The following SINHCAF variants were observed in gnomAD, a reference collection of about 807,000 sequenced individuals.
The protein encoded by SINHCAF is SIN3-HDAC complex-associated factor.
In SINHCAF, 3 loss-of-function variants were observed where a neutral mutation model predicts 25.8. The observed-to-expected ratio is 0.12, with a 90% CI of 0.05 to 0.30. The LOEUF (loss-of-function observed/expected upper bound fraction) is 0.30. Among genes scored for constraint, SINHCAF ranks in the 10% least tolerant of loss-of-function variants. The probability of loss-of-function intolerance (pLI) is 1.00; values close to 1 mark genes in which losing one functional copy is unlikely to be tolerated. For synonymous variants in SINHCAF, 70 were observed against 85.5 expected, an observed-to-expected ratio of 0.82 and a Z score of 1.00; for missense variants, 121 against 262.3, an observed-to-expected ratio of 0.46 and a Z score of 3.72.
At chr12:31,307,386 C>G (rs1382752317) in intron 1 of SINHCAF, among the ~76,000 whole-genome samples, 1 of 151,998 alleles carries the variant, frequency 6.6e-6, no homozygotes, top group African/African-American at 2.4e-5. Flanking sequence ...TAAGCCCTGT[C>G]TCTACAAAAA....
chr12:31,290,907 C>T (rs1352358046), intron 4 of SINHCAF, among the ~76,000 whole-genome samples: 1 of 152,026 alleles, frequency 6.6e-6, no homozygotes, highest in Non-Finnish European at 1.5e-5. Context: ...TTAGTAGACA[C>T]GGGGTTTCTC....
chr12:31,324,183 C>T lies in SINHCAF; in HGVS notation c.-21+1841G>A. ...ACAACGGGCCCCGCGCCAGCCCGGC[C>T]CGGCGCCTCCCGCAGGCCGCGCCTC... is the stretch of plus-strand genomic sequence containing the variant. On this transcript the variant is annotated intron_variant, in intron 1 of 5. Coordinates refer to ENST00000337682, the MANE Select transcript of SINHCAF (RefSeq NM_001135812.2). The surrounding 1 kb of genome is among the most constrained non-coding windows in gnomAD (Gnocchi z 5.5). 1 of 221,206 alleles carries T rather than the reference C, an allele frequency of 4.5e-6. No homozygotes were observed. The highest frequency in any genetic ancestry group is 8.7e-6 in the Non-Finnish European group (1 of 114,610). The allele number at this position is 221,206 out of a possible 1,614,324, so 13.7% of individuals were successfully genotyped here.
intron 1 of SINHCAF, among the ~76,000 whole-genome samples, chr12:31,314,300 G>A (rs1458607368): frequency 2.0e-5 from 3 of 151,528 alleles, no homozygotes; most frequent in African/African-American, 2.4e-5. Context: ...CGAGGCGGGC[G>A]GATCACGAGG....
chr12:31,283,146 G>A (rs1297869029), intron 5 of SINHCAF, among the ~76,000 whole-genome samples: 1 of 151,820 alleles, frequency 6.6e-6, no homozygotes, highest in Non-Finnish European at 1.5e-5. Context: ...TGCCCCTGAT[G>A]TTGTTAACTA....
At chr12:31,318,933 C>T (rs1332974074) in intron 1 of SINHCAF, among the ~76,000 whole-genome samples, 1 of 152,142 alleles carries the variant, frequency 6.6e-6, no homozygotes, top group African/African-American at 2.4e-5. Flanking sequence ...ATAAGAGTTG[C>T]ACATTACAGA....
intron 1 of SINHCAF, among the ~76,000 whole-genome samples, chr12:31,299,019 A>G (rs1938664771): frequency 6.7e-6 from 1 of 149,128 alleles, no homozygotes; most frequent in Non-Finnish European, 1.5e-5. Flanking sequence ...GTAGAGTGAA[A>G]TAAATTGCAG....
intron 1 of SINHCAF, among the ~76,000 whole-genome samples, chr12:31,298,882 C>CA (rs1447856094): frequency 3.9e-5 from 6 of 151,900 alleles, no homozygotes; most frequent in Admixed American, 2.0e-4. Context: ...ATCATTAAGA[C>CA]AAAAAAAGAA....
intron 1 of SINHCAF, chr12:31,302,857 G>T: frequency 1.2e-6 from 1 of 840,096 alleles, no homozygotes; most frequent in South Asian, 5.4e-5. Flanking sequence ...TTTACAACCA[G>T]TACCTGTTAG....
At chr12:31,285,418 TACACACACACACAC>T (rs71444392) in intron 5 of SINHCAF, among the ~76,000 whole-genome samples, 6 of 141,356 alleles carry the variant, frequency 4.2e-5, no homozygotes, top group African/African-American at 1.6e-4. Context: ...TATATATACA[TACACACACACACAC>T]ACACACACAC....
intron 5 of SINHCAF, among the ~76,000 whole-genome samples, chr12:31,287,021 A>G (rs984611853): frequency 6.6e-6 from 1 of 152,100 alleles, no homozygotes; most frequent in African/African-American, 2.4e-5. Context: ...GGCTCAAACA[A>G]TCCCCTCACC....
intron 4 of SINHCAF, among the ~76,000 whole-genome samples, chr12:31,291,696 G>T (rs1021107967): frequency 1.1e-4 from 16 of 152,140 alleles, no homozygotes; most frequent in African/African-American, 2.2e-4. Flanking sequence ...CCCAGTAGGG[G>T]GAGGTTGCAG....
At position 31,282,466 on chromosome 12, in the gene SINHCAF, T is replaced by A. The variant is rs1937842175; in HGVS notation, c.*246A>T. 1 of 316,784 alleles carries A rather than the reference T, an allele frequency of 3.2e-6. No individual in the cohort carries two copies. 19.6% of individuals were successfully genotyped at this position (316,784 alleles called of 1,614,324 possible). A position where few individuals can be genotyped will look rare whatever the true frequency, so the allele number is the denominator to read the frequency against. Reference sequence around the variant, plus strand: ...GGTGAAACCCCGTCTCTACTAAAACTAAAAAATTAGCCGGGTCTGGTGGCG... The same window carrying A: ...GGTGAAACCCCGTCTCTACTAAAACAAAAAAATTAGCCGGGTCTGGTGGCG... On this transcript the variant is annotated 3_prime_UTR_variant, in exon 6 of 6. Transcript: ENST00000337682.
At chr12:31,310,184 C>A in intron 1 of SINHCAF, among the ~76,000 whole-genome samples, 1 of 152,120 alleles carries the variant, frequency 6.6e-6, no homozygotes, top group Non-Finnish European at 1.5e-5. Context: ...GGAAGCCAAA[C>A]CCAATGAACC....
At chr12:31,308,075 G>A (rs528370165) in intron 1 of SINHCAF, among the ~76,000 whole-genome samples, 16 of 152,292 alleles carry the variant, frequency 1.1e-4, no homozygotes, top group Admixed American at 4.6e-4. Context: ...ATGTAACTGG[G>A]ACTACAGGCA....
intron 5 of SINHCAF, among the ~76,000 whole-genome samples, chr12:31,284,397 T>C (rs1937946327): frequency 1.3e-5 from 2 of 152,236 alleles, no homozygotes; most frequent in African/African-American, 4.8e-5. Flanking sequence ...TTGTAGGAGT[T>C]GTCTGTATAT....
rs923063549 is a variant in SINHCAF, at chr12:31,281,243, T to C, written c.*1469A>G. 2.0e-5 allele frequency: 3 copies of C among 152,204 alleles called. No individual in the cohort carries two copies. The highest frequency in any genetic ancestry group is 7.2e-5 in the African/African-American group (3 of 41,458). The allele number at this position is 152,204 out of a possible 1,614,324, so 9.4% of individuals were successfully genotyped here. A position where few individuals can be genotyped will look rare whatever the true frequency, so the allele number is the denominator to read the frequency against. ...AAGAGTACTCTGGTTTGGGTTCAAGTGAGAGGCTTTTCATGAAAATCTTAG... is the reference window on the plus strand; with the variant it reads ...AAGAGTACTCTGGTTTGGGTTCAAGCGAGAGGCTTTTCATGAAAATCTTAG... On this transcript the variant is annotated 3_prime_UTR_variant, in exon 6 of 6. Coordinates refer to ENST00000337682, the MANE Select transcript of SINHCAF (RefSeq NM_001135812.2).
intron 1 of SINHCAF, among the ~76,000 whole-genome samples, chr12:31,322,169 C>T (rs1011760709): frequency 3.9e-5 from 6 of 152,202 alleles, no homozygotes; most frequent in African/African-American, 1.4e-4. Flanking sequence ...GAGACCTTGT[C>T]TGTGGGTCTT....
chr12:31,285,311 C>T (rs1292960830), intron 5 of SINHCAF, among the ~76,000 whole-genome samples: 1 of 151,720 alleles, frequency 6.6e-6, no homozygotes, highest in Non-Finnish European at 1.5e-5. Flanking sequence ...TCGCTTGAAC[C>T]CAGGAGGCGG....
At chr12:31,299,687 A>G (rs1023686176) in intron 1 of SINHCAF, among the ~76,000 whole-genome samples, 1 of 152,332 alleles carries the variant, frequency 6.6e-6, no homozygotes, top group African/African-American at 2.4e-5. Flanking sequence ...ATCTTTTTAA[A>G]GTTGTTTTAG....
Sources: gnomAD v4.1 joint callset for allele counts (sites outside exome capture counted in the v4.1 genomes callset) on GRCh38, gnomAD v4.1.1 for gene constraint, Gnocchi (gnomAD v3.1) non-coding constraint, MANE v1.5 for transcripts, NCBI Gene and HGNC (gene_info 2026-07-23, HGNC 2026-07-21) for gene names.